Variants in KATNB1 observed in about 807,000 individuals in gnomAD.
The protein encoded by KATNB1 is katanin p80 WD40 repeat-containing subunit B1.
A neutral mutation model predicts 82.3 loss-of-function variants in KATNB1; 38 were observed. That is an observed-to-expected ratio of 0.46 (90% CI 0.36 to 0.61). The LOEUF is 0.61. KATNB1 is among the 20% of genes least tolerant of loss of function. The probability of loss-of-function intolerance (pLI) is 0.00; values close to 1 mark genes in which losing one functional copy is unlikely to be tolerated. For missense variants in KATNB1, 749 were observed against 915.7 expected (o/e 0.82, Z 2.35); for synonymous variants, 361 against 368.7 (o/e 0.98, Z 0.24).
At chr16:57,736,780 T>C (rs2049103286) in intron 1 of KATNB1, 198 bp from the exon 2 acceptor site, 1 of 336,782 alleles carries the variant, frequency 3.0e-6, no homozygotes, top group Admixed American at 3.9e-5. Flanking sequence ...CTGGGAGGAG[T>C]TTCTTTTTCC....
In KATNB1 at chr16:57,737,165, G is replaced by T. The variant is rs182606259; in HGVS notation, c.-79G>T. 3.2e-6 allele frequency: 5 copies of T among 1,545,182 alleles called. No homozygotes were observed. The highest frequency in any genetic ancestry group is 4.5e-6 in the Non-Finnish European group (5 of 1,122,744). On this transcript the variant is annotated 5_prime_UTR_variant, in exon 2 of 20. Coordinates refer to ENST00000379661, the MANE Select transcript of KATNB1 (RefSeq NM_005886.3). ...TCTGCCAACTTGATTGGTGGATCTG[G>T]GGGGGGATCCACCCCCACCCCACGA...
chr16:57,741,866 GA>G (rs2049146082), intron 3 of KATNB1, 49 bp downstream of exon 3: 1 of 1,577,066 alleles, frequency 6.3e-7, no homozygotes, highest in East Asian at 2.3e-5. Context: ...CTGGGGAGGG[GA>G]CGGGGACAGG....
In KATNB1 at chr16:57,753,280, G is replaced by A. The variant is rs2148795279; in HGVS notation, c.1046+13G>A. 6.3e-7 allele frequency: 1 copy of A among 1,584,506 alleles called. No individual in the cohort carries two copies. The highest frequency in any genetic ancestry group is 1.3e-5 in the African/African-American group (1 of 74,346). On this transcript the variant is annotated intron_variant, in intron 11 of 19. Transcript: ENST00000379661. ...GCAAGCCTCAGAGGTGAGGGCCTGGGGGGCCTTCGGGGGCCCAGGAGAGGG... is the reference window on the plus strand; with the variant it reads ...GCAAGCCTCAGAGGTGAGGGCCTGGAGGGCCTTCGGGGGCCCAGGAGAGGG...
intron 2 of KATNB1, 106 bp downstream of exon 2, chr16:57,737,389 G>A: frequency 8.1e-7 from 1 of 1,240,084 alleles, no homozygotes; most frequent in Non-Finnish European, 1.2e-6. Context: ...CACAGGAGGA[G>A]ACTCCTAGAC....
chr16:57,747,498 C>G (rs1405957430), intron 4 of KATNB1, among the ~76,000 whole-genome samples: 3 of 152,220 alleles, frequency 2.0e-5, no homozygotes, highest in African/African-American at 7.2e-5. Context: ...TGATGCTTGC[C>G]TACTCAGTGA....
At position 57,752,850 on chromosome 16, in the gene KATNB1, G is replaced by C; in HGVS notation, c.777G>C (p.Trp259Cys). 1 of 1,610,350 alleles carries C rather than the reference G, an allele frequency of 6.2e-7. No homozygotes were observed. Among genetic ancestry groups the C allele is most frequent in the Non-Finnish European group, 8.5e-7 (1 of 1,179,842 alleles). Residue 259 changes from tryptophan to cysteine, a missense_variant, in exon 10 of 20, where the codon TGG (tryptophan) becomes TGC (cysteine). By Grantham distance (215) the Trp-to-Cys change is radical. This residue lies in a region of KATNB1 where 407 missense variants were observed against 434.7 expected (regional missense o/e 0.94). Transcript: ENST00000379661. ...GCQDSLRVYG[W>C]EPERCFDVVL... ...AGGACTCACTGCGTGTCTACGGCTG[G>C]GAACCTGAGCGGTGCTTTGATGTGG...
At chr16:57,747,283 C>T (rs1242939398) in intron 4 of KATNB1, among the ~76,000 whole-genome samples, 2 of 152,198 alleles carry the variant, frequency 1.3e-5, no homozygotes, top group Non-Finnish European at 2.9e-5. Context: ...TGGATTTTGC[C>T]GAGGCTGCTT....
intron 4 of KATNB1, 83 bp from the exon 5 acceptor site, chr16:57,750,744 C>A: frequency 9.9e-7 from 1 of 1,015,050 alleles, no homozygotes; most frequent in Non-Finnish European, 1.6e-6. Flanking sequence ...CAAAAGCGCA[C>A]ACACAAATGC....
intron 1 of KATNB1, chr16:57,736,707 G>C: frequency 3.7e-6 from 1 of 267,416 alleles, no homozygotes; most frequent in Non-Finnish European, 7.6e-6. Flanking sequence ...CCGCCCCACT[G>C]CGGCTGCTGC....
At chr16:57,754,139 G>T in intron 13 of KATNB1, 144 bp downstream of exon 13, 1 of 703,614 alleles carries the variant, frequency 1.4e-6, no homozygotes, top group South Asian at 1.7e-5. Flanking sequence ...CTGGGTCTCT[G>T]CCCTCTGCCT....
Position 57,755,110 on chromosome 16 carries a change from C to G in KATNB1, c.1297-9C>G. 1 of 1,613,010 alleles carries G rather than the reference C, an allele frequency of 6.2e-7. No individual in the cohort carries two copies. The highest frequency in any genetic ancestry group is 8.5e-7 in the Non-Finnish European group (1 of 1,179,870). On this transcript the variant is annotated splice_polypyrimidine_tract_variant and intron_variant, in intron 14 of 19. Transcript: ENST00000379661. ...CCAGGCCGGCAACCGCTGAGTTTCA[C>G]ACTTTCAGCTGGAGGTCCTGCCCCG...
chr16:57,741,851 A>G, intron 3 of KATNB1, 34 bp downstream of exon 3: 1 of 1,602,114 alleles, frequency 6.2e-7, no homozygotes, highest in South Asian at 1.1e-5. Context: ...GGTCAGGACA[A>G]GGGCCTGGGG....
intron 2 of KATNB1, among the ~76,000 whole-genome samples, 166 bp downstream of exon 2, chr16:57,737,449 G>C (rs1467173293): frequency 2.6e-5 from 4 of 152,192 alleles, no homozygotes; most frequent in African/African-American, 9.7e-5. Context: ...GCACTTCTTA[G>C]CTGGGTGACA....
chr16:57,744,381 T>C lies in KATNB1; in HGVS notation c.172-13T>C. 1 of 1,607,878 alleles carries C rather than the reference T, an allele frequency of 6.2e-7. No individual in the cohort carries two copies. Among genetic ancestry groups the C allele is most frequent in the Non-Finnish European group, 8.5e-7 (1 of 1,175,962 alleles). On this transcript the variant is annotated splice_polypyrimidine_tract_variant and intron_variant, in intron 3 of 19. Coordinates refer to ENST00000379661, the MANE Select transcript of KATNB1 (RefSeq NM_005886.3). ...TCCAGCAGTGCACGGAAGCTGCTGC[T>C]CTCTCTCCACAGAGCCTGACGGGCC... is the stretch of plus-strand genomic sequence containing the variant.
In KATNB1 at chr16:57,740,745, C is replaced by T. The variant is rs188958577; in HGVS notation, c.41-942C>T. Among the ~76,000 whole-genome samples the T allele has an allele frequency of 2.5e-3, 374 of 152,310 alleles. 3 individuals carry two copies. The highest frequency in any genetic ancestry group is 0.01 in the Middle Eastern group (3 of 294). On this transcript the variant is annotated intron_variant, in intron 2 of 19. Transcript: ENST00000379661. Reference sequence around the variant, plus strand: ...GCCATCTCCACGGACCAGGCCAGGGCCTTGGGCTGTCTGCACAGGCTCCTC... The same window carrying T: ...GCCATCTCCACGGACCAGGCCAGGGTCTTGGGCTGTCTGCACAGGCTCCTC...
At position 57,752,699 on chromosome 16, in the gene KATNB1, C is replaced by T. The variant is rs1182478118; in HGVS notation, c.705-79C>T. On this transcript the variant is annotated intron_variant, in intron 9 of 19. Transcript: ENST00000379661. Reference sequence around the variant, plus strand: ...CATCTCCGCTGCTGCGCCCTCCCTGCCCTGGGCCCTCTGGATTCCTCGGGG... The same window carrying T: ...CATCTCCGCTGCTGCGCCCTCCCTGTCCTGGGCCCTCTGGATTCCTCGGGG... 21 of 1,562,628 alleles carry T rather than the reference C, an allele frequency of 1.3e-5. No homozygotes were observed. In the Admixed American group the frequency reaches 3.4e-4, roughly 25 times the overall value.
At chr16:57,741,879 G>C in intron 3 of KATNB1, 62 bp downstream of exon 3, 1 of 1,542,886 alleles carries the variant, frequency 6.5e-7, no homozygotes, top group Non-Finnish European at 8.8e-7. Context: ...GGGGACAGGG[G>C]TTGGAGGCTG....
intron 4 of KATNB1, among the ~76,000 whole-genome samples, chr16:57,750,137 G>A (rs1487889117): frequency 6.6e-6 from 1 of 152,088 alleles, no homozygotes; most frequent in Non-Finnish European, 1.5e-5. Flanking sequence ...ACCTCTCCTG[G>A]TCTGTCTCTC....
At position 57,751,389 on chromosome 16, in the gene KATNB1, G is replaced by A. The variant is rs1049594064; in HGVS notation, c.432+87G>A. On this transcript the variant is annotated intron_variant, in intron 6 of 19. Coordinates refer to ENST00000379661, the MANE Select transcript of KATNB1 (RefSeq NM_005886.3). The surrounding 1 kb of genome is among the most constrained non-coding windows in gnomAD (Gnocchi z 6.3). The stretch of plus-strand genomic sequence containing the variant: ...GCCCAGACCCCAGCAGGGGGTGGAG[G>A]GGACGGCTGTCCCACATGGGTGATA... The A allele has an allele frequency of 2.6e-5, 35 of 1,339,480 alleles. No individual in the cohort carries two copies. Among genetic ancestry groups the A allele is most frequent in the Non-Finnish European group, 3.7e-5 (34 of 931,164 alleles). The allele number at this position is 1,339,480 out of a possible 1,614,324, so 83.0% of individuals were successfully genotyped here. A position where few individuals can be genotyped will look rare whatever the true frequency, so the allele number is the denominator to read the frequency against.
Sources: allele counts gnomAD v4.1 joint callset (sites outside exome capture counted in the v4.1 genomes callset), GRCh38; gene constraint gnomAD v4.1.1; regional missense constraint gnomAD v4.1.1; non-coding constraint Gnocchi (gnomAD v3.1); transcripts MANE v1.5; gene names NCBI Gene and HGNC (gene_info 2026-07-23, HGNC 2026-07-21).